The following ENPEP variants were observed in gnomAD, a reference collection of about 807,000 sequenced individuals.
The protein encoded by ENPEP is AP-A.
Under a neutral mutation model 114.5 loss-of-function variants are expected in ENPEP, and 103 were observed. That is an observed-to-expected ratio of 0.90 (90% CI 0.77 to 1.06). The LOEUF (loss-of-function observed/expected upper bound fraction) is 1.06, where lower values mean the gene tolerates loss of function less well. ENPEP is among the 50% of genes least tolerant of loss of function. The pLI is 0.00. For missense variants in ENPEP, 1,196 were observed against 1,161.3 expected (o/e 1.03, Z -0.43); for synonymous variants, 420 against 422.0 (o/e 1.00, Z 0.06).
chr4:110,535,379 A>C (rs1426447943), intron 11 of ENPEP, among the ~76,000 whole-genome samples: 1 of 152,202 alleles, frequency 6.6e-6, no homozygotes, highest in Non-Finnish European at 1.5e-5. Context: ...TACCAAAATA[A>C]TGATGGGCAT....
chr4:110,506,767 AT>A lies in ENPEP; in HGVS notation c.1039+16del. 6.6e-7 allele frequency: 1 copy of A among 1,505,358 alleles called. No individual in the cohort carries two copies. The highest frequency in any genetic ancestry group is 9.0e-7 in the Non-Finnish European group (1 of 1,107,050). 93.3% of individuals were successfully genotyped at this position (1,505,358 alleles called of 1,614,324 possible). A position where few individuals can be genotyped will look rare whatever the true frequency, so the allele number is the denominator to read the frequency against. On this transcript the variant is annotated intron_variant, in intron 4 of 19. Transcript: ENST00000265162. ...TCTCTTCCTAAATTAGGTGAGGATCATTTTTTAATTTTCTTATTTTTAATAT... is the reference window on the plus strand; with the variant it reads ...TCTCTTCCTAAATTAGGTGAGGATCATTTTTAATTTTCTTATTTTTAATAT...
chr4:110,516,029 T>TTAG (rs1037419695), intron 8 of ENPEP, among the ~76,000 whole-genome samples: 2 of 152,000 alleles, frequency 1.3e-5, no homozygotes, highest in Admixed American at 6.5e-5. Context: ...ACACTGGGGG[T>TTAG]TAGGGCTTAT....
chr4:110,513,939 T>G (rs760708023), intron 7 of ENPEP, among the ~76,000 whole-genome samples: 6 of 152,154 alleles, frequency 3.9e-5, no homozygotes, highest in Non-Finnish European at 7.4e-5. Flanking sequence ...GTAGAACATT[T>G]TAATGCCTGC....
At chr4:110,536,695 G>C (rs1390962302) in intron 11 of ENPEP, among the ~76,000 whole-genome samples, 2 of 152,086 alleles carry the variant, frequency 1.3e-5, no homozygotes, top group African/African-American at 4.8e-5. Flanking sequence ...GGGCACACTG[G>C]AGACACATTG....
At chr4:110,546,480 A>G (rs1007272984) in intron 13 of ENPEP, among the ~76,000 whole-genome samples, 2 of 152,042 alleles carry the variant, frequency 1.3e-5, no homozygotes, top group Non-Finnish European at 2.9e-5. Flanking sequence ...GCGTGGGGGC[A>G]GGAGTCACTA....
At chr4:110,538,847 A>C (rs190216831) in intron 11 of ENPEP, among the ~76,000 whole-genome samples, 34 of 152,204 alleles carry the variant, frequency 2.2e-4, no homozygotes, top group Admixed American at 8.5e-4. Flanking sequence ...AAGAATAGGG[A>C]GTCCCAAGGG....
intron 6 of ENPEP, among the ~76,000 whole-genome samples, chr4:110,511,739 T>A (rs1256037089): frequency 6.6e-6 from 1 of 151,768 alleles, no homozygotes; most frequent in Non-Finnish European, 1.5e-5. Flanking sequence ...ATTAATTCAT[T>A]CCTTCATCTA....
chr4:110,508,269 CAAAA>C (rs11451516), intron 4 of ENPEP, among the ~76,000 whole-genome samples: 1 of 109,350 alleles, frequency 9.1e-6, no homozygotes, highest in Non-Finnish European at 1.9e-5. Flanking sequence ...CAGTACTGAC[CAAAA>C]AAAAAAAAAA....
At chr4:110,506,839 A>G in intron 4 of ENPEP, 82 bp downstream of exon 4, 2 of 1,177,184 alleles carry the variant, frequency 1.7e-6, no homozygotes, top group South Asian at 3.3e-5. Context: ...TAATTATGTC[A>G]CCATCAGTTA....
At chr4:110,505,602 G>A (rs1578399126) in intron 3 of ENPEP, among the ~76,000 whole-genome samples, 1 of 152,154 alleles carries the variant, frequency 6.6e-6, no homozygotes, top group South Asian at 2.1e-4. Context: ...AAGAGAGTGG[G>A]CAATATTTTC....
intron 13 of ENPEP, among the ~76,000 whole-genome samples, chr4:110,545,142 A>AG (rs1354460216): frequency 9.2e-5 from 14 of 152,120 alleles, no homozygotes; most frequent in Admixed American, 9.2e-4. Flanking sequence ...GTAGTTAAAT[A>AG]GGTGAGCAAC....
intron 1 of ENPEP, among the ~76,000 whole-genome samples, chr4:110,484,563 G>T (rs560392100): frequency 6.6e-6 from 1 of 151,752 alleles, no homozygotes; most frequent in Non-Finnish European, 1.5e-5. Flanking sequence ...CAAACACACC[G>T]CACAGAGAAA....
At chr4:110,495,518 T>G (rs1223926881) in intron 3 of ENPEP, among the ~76,000 whole-genome samples, 2 of 152,102 alleles carry the variant, frequency 1.3e-5, no homozygotes, top group Non-Finnish European at 2.9e-5. Context: ...GTCAGGAGTT[T>G]GAGAACAGCC....
intron 10 of ENPEP, among the ~76,000 whole-genome samples, chr4:110,525,359 G>A (rs1726156287): frequency 6.6e-6 from 1 of 152,298 alleles, no homozygotes; most frequent in Admixed American, 6.5e-5. Context: ...CTCCTAGAGT[G>A]GATACTGGCA....
chr4:110,546,639 T>C (rs980807167), intron 13 of ENPEP, among the ~76,000 whole-genome samples: 1 of 151,920 alleles, frequency 6.6e-6, no homozygotes, highest in Non-Finnish European at 1.5e-5. Context: ...CAGGTGAACA[T>C]CAGTCAAGCC....
chr4:110,493,765 G>C (rs982027917), intron 3 of ENPEP, among the ~76,000 whole-genome samples: 1 of 152,140 alleles, frequency 6.6e-6, no homozygotes, highest in Non-Finnish European at 1.5e-5. Flanking sequence ...AGTACAAACT[G>C]CTCCTGGTAT....
intron 10 of ENPEP, among the ~76,000 whole-genome samples, chr4:110,522,711 G>C (rs149414267): frequency 2.0e-5 from 3 of 152,148 alleles, no homozygotes; most frequent in Non-Finnish European, 2.9e-5. Flanking sequence ...TGCAAGAAGC[G>C]AATGAGGCAA....
At position 110,548,239 on chromosome 4, in the gene ENPEP, T is replaced by C; in HGVS notation, c.2064T>C (p.Asn688=). The change falls in exon 14 of 20, where the codon AAT becomes AAC. Residue 688 remains asparagine, a synonymous_variant. Transcript: ENST00000265162. ...NLTKYLKREE[N]FLPWQRVISA... is the part of the protein sequence containing the mutation. ...CCAAGTATCTCAAAAGGGAAGAGAA[T>C]TTTTTACCATGGCAGAGAGTAATTT... 1 of 1,601,342 alleles carries C rather than the reference T, an allele frequency of 6.2e-7. No individual in the cohort carries two copies. The highest frequency in any genetic ancestry group is 8.5e-7 in the Non-Finnish European group (1 of 1,173,500).
rs374026728 is a variant in ENPEP, at chr4:110,548,746, T to C, written c.2151+420T>C. ...TTCCACATTGAGATTTTATCATATG[T>C]AGTCATTCTAAATACCGTTTCTTTG... On this transcript the variant is annotated intron_variant, in intron 14 of 19. Coordinates refer to ENST00000265162, the MANE Select transcript of ENPEP (RefSeq NM_001977.4). Among the ~76,000 whole-genome samples, 15 of 152,226 alleles carry C rather than the reference T, an allele frequency of 9.9e-5. 1 individual carries two copies. The highest frequency in any genetic ancestry group is 3.1e-4 in the African/African-American group (13 of 41,576).
Sources: gnomAD v4.1 joint callset for allele counts (sites outside exome capture counted in the v4.1 genomes callset) on GRCh38, gnomAD v4.1.1 for gene constraint, MANE v1.5 for transcripts, NCBI Gene and HGNC (gene_info 2026-07-23, HGNC 2026-07-21) for gene names.